The following CDH12 variants were observed in gnomAD, a reference collection of about 807,000 sequenced individuals.
CDH12 encodes cadherin 12, also known as cadherin-12.
Under a neutral mutation model 74.1 loss-of-function variants are expected in CDH12, and 41 were observed. The observed-to-expected ratio is 0.55, with a 90% CI of 0.43 to 0.72. The LOEUF is 0.72. CDH12 is among the 30% of genes least tolerant of loss of function. The pLI, the probability that CDH12 is intolerant of heterozygous loss-of-function variation, is 0.00. For synonymous variants in CDH12, 399 were observed against 355.0 expected (o/e 1.12, Z -1.39); for missense variants, 945 against 977.2 (o/e 0.97, Z 0.44).
intron 6 of CDH12, among the ~76,000 whole-genome samples, chr5:21,924,751 C>T (rs1481975211): frequency 3.3e-5 from 5 of 152,092 alleles, no homozygotes; most frequent in African/African-American, 9.7e-5. Flanking sequence ...TCTTTTGTGG[C>T]TTACGGTTGA....
intron 3 of CDH12, among the ~76,000 whole-genome samples, chr5:22,214,682 A>AT (rs1389006884): frequency 6.6e-6 from 1 of 152,130 alleles, no homozygotes; most frequent in East Asian, 1.9e-4. Flanking sequence ...GACAGGGCTT[A>AT]TTTTCCTGAA....
Position 22,547,012 on chromosome 5 carries a change from G to A in CDH12, c.-522-41648C>T, listed in dbSNP as rs187545022. Among the ~76,000 whole-genome samples the A allele has an allele frequency of 5.9e-5, 9 of 152,270 alleles. No homozygotes were observed. The East Asian group carries it at 1.7e-3, about 29-fold the overall frequency. ...CGATTGTAAAGTGCTTCAGATGGTG[G>A]TGCATTAGGAGATAACTTTTGCATT... On this transcript the variant is annotated intron_variant, in intron 1 of 14. Coordinates refer to ENST00000382254, the MANE Select transcript of CDH12 (RefSeq NM_004061.5).
chr5:22,817,105 G>A (rs527850748), intron 1 of CDH12, among the ~76,000 whole-genome samples: 13 of 152,108 alleles, frequency 8.5e-5, no homozygotes, highest in Non-Finnish European at 1.5e-4. Context: ...ATTACTAGTC[G>A]TAATATTTCT....
At chr5:21,861,580 A>C (rs915546165) in intron 6 of CDH12, among the ~76,000 whole-genome samples, 8 of 152,104 alleles carry the variant, frequency 5.3e-5, no homozygotes, top group African/African-American at 1.7e-4. Flanking sequence ...GGCATTTTAT[A>C]AAAGCACATA....
At chr5:21,772,367 A>T (rs1745367229) in intron 11 of CDH12, among the ~76,000 whole-genome samples, 1 of 152,110 alleles carries the variant, frequency 6.6e-6, no homozygotes, top group Non-Finnish European at 1.5e-5. Flanking sequence ...AGAGAGTTTT[A>T]CCTTGTACTT....
At chr5:22,557,537 G>T (rs997299320) in intron 1 of CDH12, among the ~76,000 whole-genome samples, 1 of 152,010 alleles carries the variant, frequency 6.6e-6, no homozygotes, top group African/African-American at 2.4e-5. Flanking sequence ...GGGAAGAAAG[G>T]AAAAAGAAGG....
Position 22,739,170 on chromosome 5 carries a change from A to T in CDH12, c.-523+113888T>A, listed in dbSNP as rs1744887833. 2.0e-5 allele frequency among the ~76,000 whole-genome samples: 3 copies of T among 152,034 alleles called. No homozygotes were observed. In the South Asian group the frequency reaches 6.2e-4, roughly 31 times the overall value. The stretch of plus-strand genomic sequence containing the variant: ...GTTTCAATGAGAATTTTCATGTGTA[A>T]TTGTATTTTTAAATCACTTTCATAA... On this transcript the variant is annotated intron_variant, in intron 1 of 14. Transcript: ENST00000382254.
intron 4 of CDH12, among the ~76,000 whole-genome samples, chr5:22,204,994 C>A (rs1358905198): frequency 6.6e-6 from 1 of 152,154 alleles, no homozygotes; most frequent in African/African-American, 2.4e-5. Flanking sequence ...AGGAACTAGG[C>A]CTTGTCAACA....
chr5:22,809,060 G>A (rs1338319502), intron 1 of CDH12, among the ~76,000 whole-genome samples: 2 of 151,110 alleles, frequency 1.3e-5, no homozygotes, highest in African/African-American at 4.9e-5. Flanking sequence ...AATAATGTAA[G>A]ATAAATTATT....
intron 6 of CDH12, among the ~76,000 whole-genome samples, chr5:21,907,364 C>T (rs954476894): frequency 5.3e-5 from 8 of 152,082 alleles, no homozygotes; most frequent in Admixed American, 3.3e-4. Flanking sequence ...TCTCACTAAC[C>T]TTAAGAGCAG....
chr5:21,840,430 ATTT>A (rs200209303), intron 8 of CDH12, among the ~76,000 whole-genome samples: 2 of 147,924 alleles, frequency 1.4e-5, no homozygotes, highest in African/African-American at 4.9e-5. Flanking sequence ...AAGATTTGTA[ATTT>A]TTTTTTTTTT....
chr5:22,849,291 T>A (rs1329498195), intron 1 of CDH12, among the ~76,000 whole-genome samples: 1 of 152,172 alleles, frequency 6.6e-6, no homozygotes, highest in Non-Finnish European at 1.5e-5. Flanking sequence ...TTTCAAACAA[T>A]TGTCTGACTC....
At chr5:22,271,176 A>T (rs1736382551) in intron 3 of CDH12, among the ~76,000 whole-genome samples, 6 of 152,140 alleles carry the variant, frequency 3.9e-5, no homozygotes. Flanking sequence ...TTATCAACTT[A>T]GTTTATAAAT....
At chr5:22,153,961 T>C (rs963028438) in intron 4 of CDH12, among the ~76,000 whole-genome samples, 14 of 147,228 alleles carry the variant, frequency 9.5e-5, no homozygotes, top group African/African-American at 3.5e-4. Flanking sequence ...TATATGTGTA[T>C]ATATACACAC....
At chr5:22,275,165 C>T (rs1736575488) in intron 3 of CDH12, among the ~76,000 whole-genome samples, 1 of 151,996 alleles carries the variant, frequency 6.6e-6, no homozygotes, top group Non-Finnish European at 1.5e-5. Flanking sequence ...TTAGGACAGA[C>T]ATCTAATTCA....
intron 4 of CDH12, among the ~76,000 whole-genome samples, chr5:22,094,296 C>G (rs1743613201): frequency 6.6e-6 from 1 of 152,164 alleles, no homozygotes; most frequent in East Asian, 1.9e-4. Context: ...AAGAATCTGA[C>G]TGACTGCAAG....
At chr5:22,695,224 TA>T (rs1742302096) in intron 1 of CDH12, among the ~76,000 whole-genome samples, 1 of 152,210 alleles carries the variant, frequency 6.6e-6, no homozygotes, top group Non-Finnish European at 1.5e-5. Context: ...CACATTTATT[TA>T]TTAATGATAG....
At chr5:22,782,746 T>C (rs1747446267) in intron 1 of CDH12, among the ~76,000 whole-genome samples, 1 of 152,180 alleles carries the variant, frequency 6.6e-6, no homozygotes, top group Non-Finnish European at 1.5e-5. Context: ...TGTCTGCTTG[T>C]TTCTTACCTG....
At chr5:22,744,086 A>T (rs1745169535) in intron 1 of CDH12, among the ~76,000 whole-genome samples, 1 of 152,136 alleles carries the variant, frequency 6.6e-6, no homozygotes, top group Non-Finnish European at 1.5e-5. Flanking sequence ...GCATTATAGA[A>T]CAGGGTCTCT....
Sources: allele counts gnomAD v4.1 joint callset (sites outside exome capture counted in the v4.1 genomes callset), GRCh38; gene constraint gnomAD v4.1.1; transcripts MANE v1.5; gene names NCBI Gene and HGNC (gene_info 2026-07-23, HGNC 2026-07-21).